Variants in UNC5C observed in about 807,000 individuals in gnomAD.
The protein encoded by UNC5C is netrin receptor UNC5C.
A neutral mutation model predicts 99.8 loss-of-function variants in UNC5C; 47 were observed. That is an observed-to-expected ratio of 0.47 (90% CI 0.37 to 0.60). The LOEUF is 0.60. UNC5C is among the 20% of genes least tolerant of loss of function. The probability of loss-of-function intolerance (pLI) is 0.00; values close to 1 mark genes in which losing one functional copy is unlikely to be tolerated. For missense variants in UNC5C, 1,062 were observed against 1,165.9 expected (o/e 0.91, Z 1.30); for synonymous variants, 487 against 452.2 (o/e 1.08, Z -0.98).
chr4:95,270,580 C>T (rs773472975), intron 4 of UNC5C, among the ~76,000 whole-genome samples: 2 of 152,164 alleles, frequency 1.3e-5, no homozygotes, highest in Non-Finnish European at 2.9e-5. Flanking sequence ...TAGCTTATTG[C>T]TTTTGAGGGT....
At chr4:95,465,359 T>C (rs1193440234) in intron 1 of UNC5C, among the ~76,000 whole-genome samples, 1 of 152,148 alleles carries the variant, frequency 6.6e-6, no homozygotes, top group African/African-American at 2.4e-5. Flanking sequence ...GTTGACATAC[T>C]TGAAGTGGAA....
chr4:95,397,106 A>G (rs572276626), intron 1 of UNC5C, among the ~76,000 whole-genome samples: 1 of 152,306 alleles, frequency 6.6e-6, no homozygotes, highest in Admixed American at 6.5e-5. Flanking sequence ...CTGGGTGCCA[A>G]AGGAAGAGTC....
chr4:95,285,857 T>C (rs556519102), intron 3 of UNC5C, among the ~76,000 whole-genome samples: 59 of 152,300 alleles, frequency 3.9e-4, no homozygotes, highest in South Asian at 2.7e-3. Context: ...CTATTTTTTA[T>C]TGTAAGTCAA....
At chr4:95,192,992 T>A (rs905189246) in intron 12 of UNC5C, among the ~76,000 whole-genome samples, 4 of 152,244 alleles carry the variant, frequency 2.6e-5, no homozygotes, top group Admixed American at 6.5e-5. Flanking sequence ...AAAGAAAGGA[T>A]GAAAGAAATG....
chr4:95,221,413 A>C (rs1738463408), intron 7 of UNC5C, among the ~76,000 whole-genome samples: 1 of 152,166 alleles, frequency 6.6e-6, no homozygotes, highest in African/African-American at 2.4e-5. Context: ...GCCCTCTCCT[A>C]ACGCTCACAG....
At chr4:95,387,164 G>A (rs1745235277) in intron 1 of UNC5C, among the ~76,000 whole-genome samples, 2 of 151,334 alleles carry the variant, frequency 1.3e-5, no homozygotes, top group Admixed American at 6.6e-5. Flanking sequence ...TTTGAGACAA[G>A]GTCTCACTCT....
chr4:95,470,629 G>A (rs193147905), intron 1 of UNC5C, among the ~76,000 whole-genome samples: 6 of 152,238 alleles, frequency 3.9e-5, no homozygotes, highest in Admixed American at 2.0e-4. Flanking sequence ...AAACTTAAGC[G>A]TGAACAAAGT....
intron 1 of UNC5C, among the ~76,000 whole-genome samples, chr4:95,412,041 T>C (rs996401874): frequency 6.6e-6 from 1 of 151,946 alleles, no homozygotes; most frequent in Non-Finnish European, 1.5e-5. Flanking sequence ...GCTTTAAATC[T>C]GACCTATTTC....
chr4:95,509,792 T>C (rs1722019973), intron 1 of UNC5C, among the ~76,000 whole-genome samples: 1 of 151,830 alleles, frequency 6.6e-6, no homozygotes, highest in Non-Finnish European at 1.5e-5. Context: ...ATAATAGTAA[T>C]CAAATATAAA....
chr4:95,265,045 G>C (rs1386622242), intron 4 of UNC5C, among the ~76,000 whole-genome samples: 1 of 152,022 alleles, frequency 6.6e-6, no homozygotes, highest in African/African-American at 2.4e-5. Context: ...GATGCCTGGG[G>C]CCCCACCTTC....
rs528670275 is a variant in UNC5C, at chr4:95,464,800, T to C, written c.124+83934A>G. 1.2e-4 allele frequency among the ~76,000 whole-genome samples: 19 copies of C among 152,350 alleles called. No individual in the cohort carries two copies. In the South Asian group the frequency reaches 3.9e-3, roughly 32 times the overall value. ...CAACCTGAGGGTGTATTCCCACCTA[T>C]ACCTCATGTAAGTTTTGAAACTTTA... On this transcript the variant is annotated intron_variant, in intron 1 of 15. Transcript: ENST00000453304.
intron 12 of UNC5C, among the ~76,000 whole-genome samples, chr4:95,191,893 C>T (rs952172790): frequency 3.6e-5 from 5 of 139,950 alleles, no homozygotes; most frequent in African/African-American, 1.4e-4. Context: ...TCCTCCCTTT[C>T]TCCCCTCCTC....
chr4:95,424,582 C>T (rs1182830650), intron 1 of UNC5C, among the ~76,000 whole-genome samples: 4 of 128,590 alleles, frequency 3.1e-5, no homozygotes, highest in East Asian at 2.5e-4. Flanking sequence ...AGTGCAGTGG[C>T]GCAATCTCGG....
intron 1 of UNC5C, among the ~76,000 whole-genome samples, chr4:95,487,589 A>G (rs1394725612): frequency 6.6e-6 from 1 of 151,756 alleles, no homozygotes. Context: ...ATTGACTTAC[A>G]CTACTATAAA....
chr4:95,362,610 T>C (rs1744427831), intron 1 of UNC5C, among the ~76,000 whole-genome samples: 1 of 152,208 alleles, frequency 6.6e-6, no homozygotes, highest in South Asian at 2.1e-4. Context: ...TAAACCTGCT[T>C]GATTTGGGCT....
At chr4:95,252,199 A>G (rs1310863036) in intron 4 of UNC5C, among the ~76,000 whole-genome samples, 1 of 152,206 alleles carries the variant, frequency 6.6e-6, no homozygotes, top group Admixed American at 6.5e-5. Context: ...GCACGGGAGA[A>G]GGTGGCACAA....
chr4:95,468,125 T>C (rs1747847337), intron 1 of UNC5C, among the ~76,000 whole-genome samples: 1 of 102,288 alleles, frequency 9.8e-6, no homozygotes, highest in Admixed American at 9.7e-5. Context: ...ATCTGTTTTT[T>C]GGGTTTTTTT....
intron 2 of UNC5C, among the ~76,000 whole-genome samples, chr4:95,318,830 G>A (rs191961648): frequency 4.2e-4 from 64 of 152,286 alleles, no homozygotes; most frequent in Admixed American, 1.0e-3. Context: ...GCAGAGACAG[G>A]GGAAAGGATA....
intron 1 of UNC5C, among the ~76,000 whole-genome samples, chr4:95,466,123 T>A (rs1411271153): frequency 6.6e-6 from 1 of 152,214 alleles, no homozygotes; most frequent in Non-Finnish European, 1.5e-5. Flanking sequence ...CAAGTAAGTA[T>A]GACAATGTAT....
Sources: gnomAD v4.1 joint callset for allele counts (sites outside exome capture counted in the v4.1 genomes callset) on GRCh38, gnomAD v4.1.1 for gene constraint, MANE v1.5 for transcripts, NCBI Gene and HGNC (gene_info 2026-07-23, HGNC 2026-07-21) for gene names.